The following KSR2 variants were observed in gnomAD, a reference collection of about 807,000 sequenced individuals.
KSR2 encodes the protein kinase suppressor of ras 2.
In KSR2, 25 loss-of-function variants were observed where a neutral mutation model predicts 107.8. The observed-to-expected ratio is 0.23, with a 90% CI of 0.17 to 0.32. The LOEUF is 0.32. Ranked by LOEUF, KSR2 falls within the 10% of genes least tolerant of loss-of-function variation. The pLI is 1.00. For missense variants in KSR2, 887 were observed against 1,268.9 expected, an observed-to-expected ratio of 0.70 and a Z score of 4.57; for synonymous variants, 480 against 507.0, an observed-to-expected ratio of 0.95 and a Z score of 0.71.
intron 5 of KSR2, among the ~76,000 whole-genome samples, chr12:117,584,781 G>T (rs1039802146): frequency 6.6e-6 from 1 of 152,188 alleles, no homozygotes; most frequent in Non-Finnish European, 1.5e-5. Flanking sequence ...TAGGGATTAT[G>T]CTATGCATTT....
rs533679839 is a variant in KSR2 at position 117,721,086 on chromosome 12, C to T, written c.986+39925G>A. ...GTTCATAAGCTCAATACCTTTCCTA[C>T]TTCCAGGAAAATTTCTCCAAAGAAA... On this transcript the variant is annotated intron_variant, in intron 4 of 19. Coordinates refer to ENST00000339824, the MANE Select transcript of KSR2 (RefSeq NM_173598.6). Among the ~76,000 whole-genome samples the T allele has an allele frequency of 2.6e-5, 4 of 152,292 alleles. No homozygotes were observed. In the East Asian group the frequency reaches 5.8e-4, roughly 22 times the overall value.
At chr12:117,593,701 C>A (rs142276092) in intron 5 of KSR2, among the ~76,000 whole-genome samples, 270 of 152,328 alleles carry the variant, frequency 1.8e-3, no homozygotes, top group African/African-American at 6.3e-3. Flanking sequence ...ACCTGAGGAT[C>A]AGACACTGGG....
chr12:117,951,214 A>C (rs546021161), intron 1 of KSR2, among the ~76,000 whole-genome samples: 3 of 152,240 alleles, frequency 2.0e-5, no homozygotes, highest in Non-Finnish European at 2.9e-5. Context: ...GGCGGCAACC[A>C]GTGGTTCTTC....
chr12:117,591,164 G>A (rs568332294), intron 5 of KSR2, among the ~76,000 whole-genome samples: 11 of 152,278 alleles, frequency 7.2e-5, no homozygotes, highest in African/African-American at 2.6e-4. Flanking sequence ...CTGTCTCTTC[G>A]TAGAATAGTC....
chr12:117,640,704 C>T (rs571414098), intron 5 of KSR2, among the ~76,000 whole-genome samples: 81 of 152,282 alleles, frequency 5.3e-4, no homozygotes, highest in Admixed American at 5.9e-4. Flanking sequence ...CCTCCCTGGG[C>T]CCCCGTGGAC....
chr12:117,865,855 T>A (rs868442487), intron 1 of KSR2, among the ~76,000 whole-genome samples: 3 of 152,194 alleles, frequency 2.0e-5, no homozygotes, highest in South Asian at 2.1e-4. Context: ...GTATCACTGA[T>A]AACTTGAGAG....
rs757895541 is a variant in KSR2, at chr12:117,524,917, C to G, written c.2154G>C (p.Arg718=). 1.1e-5 allele frequency: 17 copies of G among 1,613,734 alleles called. No homozygotes were observed. The highest frequency in any genetic ancestry group is 2.7e-5 in the African/African-American group (2 of 74,916). ...CCATGAAAAGCACCACGTTCTCATGCCGTGTCTGCCTGTAGGCCATCACCT... is the reference window on the plus strand; with the variant it reads ...CCATGAAAAGCACCACGTTCTCATGGCGTGTCTGCCTGTAGGCCATCACCT... ...KREVMAYRQT[R]HENVVLFMGA... The change falls in exon 14 of 20, where the codon CGG becomes CGC. Residue 718 remains arginine (R), a synonymous_variant. Transcript: ENST00000339824.
intron 3 of KSR2, among the ~76,000 whole-genome samples, chr12:117,793,330 C>A (rs1375235949): frequency 6.9e-6 from 1 of 144,720 alleles, no homozygotes; most frequent in African/African-American, 2.6e-5. Flanking sequence ...CACCAACATG[C>A]ACACATACAC....
At chr12:117,663,538 T>C (rs910084294) in intron 5 of KSR2, among the ~76,000 whole-genome samples, 6 of 152,218 alleles carry the variant, frequency 3.9e-5, no homozygotes, top group South Asian at 2.1e-4. Flanking sequence ...CCACCCTTTA[T>C]TGAGACTCAG....
At chr12:117,514,932 C>T (rs1874271206) in intron 14 of KSR2, among the ~76,000 whole-genome samples, 1 of 152,170 alleles carries the variant, frequency 6.6e-6, no homozygotes, top group African/African-American at 2.4e-5. Context: ...CTTGCTACCT[C>T]CTACCTCTAA....
At chr12:117,802,999 T>A (rs1184805265) in intron 3 of KSR2, among the ~76,000 whole-genome samples, 1 of 152,234 alleles carries the variant, frequency 6.6e-6, no homozygotes, top group African/African-American at 2.4e-5. Context: ...AAATTGCCCA[T>A]GCATTGTCAT....
At chr12:117,721,552 G>A (rs374334902) in intron 4 of KSR2, among the ~76,000 whole-genome samples, 17 of 152,250 alleles carry the variant, frequency 1.1e-4, no homozygotes, top group Middle Eastern at 3.4e-3. Flanking sequence ...AGTCAGAGCT[G>A]AGATCAAACT....
At chr12:117,554,605 T>C (rs560178636) in intron 9 of KSR2, among the ~76,000 whole-genome samples, 1 of 152,322 alleles carries the variant, frequency 6.6e-6, no homozygotes, top group African/African-American at 2.4e-5. Context: ...TGTGCCATTC[T>C]CGTGATGGGG....
chr12:117,769,224 GT>G (rs1054413547), intron 3 of KSR2, among the ~76,000 whole-genome samples: 21 of 149,354 alleles, frequency 1.4e-4, no homozygotes, highest in East Asian at 7.8e-4. Flanking sequence ...ATCTTAGTGG[GT>G]TTTTTTTTTC....
chr12:117,551,712 T>C (rs1877325022), intron 9 of KSR2, among the ~76,000 whole-genome samples: 1 of 152,186 alleles, frequency 6.6e-6, no homozygotes, highest in Admixed American at 6.5e-5. Flanking sequence ...ACCACATCAT[T>C]GCCTGACAAG....
chr12:117,606,594 T>TCCC, intron 5 of KSR2, among the ~76,000 whole-genome samples: 2 of 8,858 alleles, frequency 2.3e-4, no homozygotes, highest in Non-Finnish European at 4.7e-4. Flanking sequence ...TCTTCCTTCC[T>TCCC]TCTTTCCTCC....
intron 3 of KSR2, among the ~76,000 whole-genome samples, chr12:117,843,210 C>T (rs1015710186): frequency 2.6e-5 from 4 of 151,920 alleles, no homozygotes; most frequent in African/African-American, 4.8e-5. Context: ...AAGGGAACAC[C>T]GAGGGATGAA....
intron 4 of KSR2, among the ~76,000 whole-genome samples, chr12:117,734,513 A>C (rs1410362729): frequency 6.6e-6 from 1 of 152,084 alleles, no homozygotes; most frequent in Non-Finnish European, 1.5e-5. Flanking sequence ...AGACTATTCC[A>C]AGTTACAATC....
At chr12:117,724,767 T>C (rs975666) in intron 4 of KSR2, among the ~76,000 whole-genome samples, 65,873 of 151,568 alleles carry the variant, frequency 0.43, 14,535 homozygotes, top group Middle Eastern at 0.53. Flanking sequence ...GTAGCGAGGG[T>C]TGTTTGTGAG....
Sources: gnomAD v4.1 joint callset for allele counts (sites outside exome capture counted in the v4.1 genomes callset) on GRCh38, gnomAD v4.1.1 for gene constraint, MANE v1.5 for transcripts, NCBI Gene and HGNC (gene_info 2026-07-23, HGNC 2026-07-21) for gene names.